Variants in RAB3GAP1 observed in about 807,000 individuals in gnomAD.
RAB3GAP1 encodes rab3 GTPase-activating protein catalytic subunit.
RAB3GAP1 carries 86 observed loss-of-function variants against 130.7 expected under a neutral mutation model. The observed-to-expected ratio is 0.66, with a 90% CI of 0.55 to 0.79. RAB3GAP1 has a LOEUF of 0.79. Ranked by LOEUF, RAB3GAP1 falls within the 30% of genes least tolerant of loss-of-function variation. The pLI, the probability that RAB3GAP1 is intolerant of heterozygous loss-of-function variation, is 0.00. For synonymous variants in RAB3GAP1, 367 were observed against 401.7 expected (o/e 0.91, Z 1.03); for missense variants, 1,029 against 1,169.4 (o/e 0.88, Z 1.75).
intron 7 of RAB3GAP1, among the ~76,000 whole-genome samples, chr2:135,116,032 T>C (rs1489031188): frequency 1.3e-5 from 2 of 152,120 alleles, no homozygotes; most frequent in East Asian, 3.9e-4. Context: ...AGATAACCAA[T>C]AGTGGAAGGG....
chr2:135,145,416 A>G (rs1469960480), intron 17 of RAB3GAP1, among the ~76,000 whole-genome samples: 2 of 151,794 alleles, frequency 1.3e-5, no homozygotes, highest in Admixed American at 1.3e-4. Flanking sequence ...ACACACACAC[A>G]CACACACTTC....
chr2:135,093,481 T>G, intron 4 of RAB3GAP1, 134 bp from the exon 5 acceptor site: 1 of 692,130 alleles, frequency 1.4e-6, no homozygotes, highest in South Asian at 1.6e-5. Flanking sequence ...ACTCAAGAGC[T>G]ATCTTTAGAT....
At chr2:135,053,923 G>A (rs1255145469) in intron 2 of RAB3GAP1, among the ~76,000 whole-genome samples, 2 of 152,164 alleles carry the variant, frequency 1.3e-5, no homozygotes, top group African/African-American at 4.8e-5. Context: ...CTTGAAAGTG[G>A]GAAGTGGTTG....
intron 17 of RAB3GAP1, among the ~76,000 whole-genome samples, chr2:135,142,095 G>A (rs1251040488): frequency 1.3e-5 from 2 of 152,072 alleles, no homozygotes; most frequent in African/African-American, 4.8e-5. Flanking sequence ...TCAAAATCTT[G>A]CTGGGATTTT....
chr2:135,095,682 T>C (rs1690273005), intron 5 of RAB3GAP1, among the ~76,000 whole-genome samples: 1 of 152,208 alleles, frequency 6.6e-6, no homozygotes, highest in African/African-American at 2.4e-5. Context: ...AAATATTAAA[T>C]GGAAAATTTC....
Position 135,153,709 on chromosome 2 carries a change from A to G in RAB3GAP1, c.2122A>G (p.Ile708Val), listed in dbSNP as rs1225825147. Reference sequence around the variant, plus strand: ...GAGGTGGTATTCACCCCGGGATTATATTGAAGAGGAGGTGATTGATGAAAA... The same window carrying G: ...GAGGTGGTATTCACCCCGGGATTATGTTGAAGAGGAGGTGATTGATGAAAA... ...FVRWYSPRDY[I>V]EEEVIDEKGN... The change falls in exon 19 of 24, where the codon ATT (isoleucine) becomes GTT (valine). Residue 708 changes from isoleucine (I) to valine (V), a missense_variant. Physicochemically the swap from Ile to Val is conservative, Grantham distance 29. Transcript: ENST00000264158. The G allele has an allele frequency of 6.2e-7, 1 of 1,613,890 alleles. No homozygotes were observed. Among genetic ancestry groups the G allele is most frequent in the East Asian group, 2.2e-5 (1 of 44,890 alleles).
chr2:135,076,788 C>T (rs1689645428), intron 3 of RAB3GAP1, among the ~76,000 whole-genome samples: 1 of 152,184 alleles, frequency 6.6e-6, no homozygotes, highest in Non-Finnish European at 1.5e-5. Context: ...CCAAAGTCTA[C>T]CCGTTAAACA....
chr2:135,071,904 A>ATGTT (rs796392612), intron 3 of RAB3GAP1, among the ~76,000 whole-genome samples: 20 of 151,860 alleles, frequency 1.3e-4, no homozygotes, highest in African/African-American at 4.4e-4. Flanking sequence ...ATTGTATTGA[A>ATGTT]TCTTTCTTTC....
chr2:135,119,094 C>CCCTT (rs1284684747), intron 7 of RAB3GAP1, among the ~76,000 whole-genome samples: 44 of 118,780 alleles, frequency 3.7e-4, no homozygotes, highest in Middle Eastern at 8.9e-3. Flanking sequence ...CTCCCTCCCT[C>CCCTT]CCTTCCTTCC....
At chr2:135,140,676 G>GT (rs1691812885) in intron 17 of RAB3GAP1, among the ~76,000 whole-genome samples, 1 of 152,264 alleles carries the variant, frequency 6.6e-6, no homozygotes, top group African/African-American at 2.4e-5. Flanking sequence ...AGGCACAGCA[G>GT]TGGGAGTTAT....
chr2:135,095,205 C>A (rs1182502350), intron 5 of RAB3GAP1, among the ~76,000 whole-genome samples: 1 of 152,186 alleles, frequency 6.6e-6, no homozygotes, highest in Non-Finnish European at 1.5e-5. Flanking sequence ...TCCACCACCA[C>A]ACCCAGCTGA....
chr2:135,116,476 A>G (rs1266097818), intron 7 of RAB3GAP1, among the ~76,000 whole-genome samples: 1 of 152,204 alleles, frequency 6.6e-6, no homozygotes, highest in Non-Finnish European at 1.5e-5. Context: ...TTCAGATTTA[A>G]GGAGAAAATG....
At chr2:135,088,688 CAAAAAAAAA>C (rs1162700077) in intron 3 of RAB3GAP1, among the ~76,000 whole-genome samples, 7 of 55,696 alleles carry the variant, frequency 1.3e-4, no homozygotes, top group Admixed American at 5.8e-4. Flanking sequence ...GACTCCATCT[CAAAAAAAAA>C]AAAAAAAAAA....
chr2:135,104,724 A>G (rs529683006), intron 5 of RAB3GAP1, among the ~76,000 whole-genome samples: 1 of 151,572 alleles, frequency 6.6e-6, no homozygotes, highest in African/African-American at 2.4e-5. Flanking sequence ...ATAAATAAAT[A>G]AATAAATAAA....
rs1011745802 is a variant in RAB3GAP1, at chr2:135,123,145, C to A, written c.749-1020C>A. 1.3e-4 allele frequency among the ~76,000 whole-genome samples: 20 copies of A among 152,150 alleles called. 1 individual carries two copies. Among genetic ancestry groups the A allele is most frequent in the African/African-American group, 3.9e-4 (16 of 41,432 alleles). ...TACAAACACTAGTCAAACTCCAAGT[C>A]CGATGTGCTTTTCATTCCACGAGTT... On this transcript the variant is annotated intron_variant, in intron 8 of 23. Transcript: ENST00000264158.
At chr2:135,101,432 A>ATTAGT (rs1305928440) in intron 5 of RAB3GAP1, among the ~76,000 whole-genome samples, 4 of 152,352 alleles carry the variant, frequency 2.6e-5, no homozygotes, top group South Asian at 4.1e-4. Flanking sequence ...TAAATATACA[A>ATTAGT]TTAGTATAGG....
Position 135,084,361 on chromosome 2 carries a change from C to T in RAB3GAP1, c.151-6637C>T, listed in dbSNP as rs552847508. ...GTACATAATTTGCAAACATCTTCTC[C>T]CGTTCTCTATATTGTAGCATGTATC... On this transcript the variant is annotated intron_variant, in intron 3 of 23. Coordinates refer to ENST00000264158, the MANE Select transcript of RAB3GAP1 (RefSeq NM_012233.3). Among the ~76,000 whole-genome samples the T allele has an allele frequency of 2.0e-5, 3 of 152,262 alleles. No homozygotes were observed. In the South Asian group the frequency reaches 6.2e-4, roughly 32 times the overall value.
chr2:135,108,658 CAG>C (rs1690701663), intron 5 of RAB3GAP1, among the ~76,000 whole-genome samples: 1 of 152,010 alleles, frequency 6.6e-6, no homozygotes, highest in Non-Finnish European at 1.5e-5. Context: ...ATTCTCTTGA[CAG>C]TGTCTTTTGC....
chr2:135,089,258 T>C lies in RAB3GAP1; in HGVS notation c.151-1740T>C, dbSNP rs1258089172. ...CTGTTCCCTTGGTCTATATATCTGT[T>C]TTGGTACAAGTACCATGCTGTTTTG... On this transcript the variant is annotated intron_variant, in intron 3 of 23. Transcript: ENST00000264158. 2.6e-5 allele frequency among the ~76,000 whole-genome samples: 4 copies of C among 152,058 alleles called. No individual in the cohort carries two copies. In the East Asian group the frequency reaches 7.7e-4, roughly 29 times the overall value.
Sources: gnomAD v4.1 joint callset for allele counts (sites outside exome capture counted in the v4.1 genomes callset) on GRCh38, gnomAD v4.1.1 for gene constraint, MANE v1.5 for transcripts, NCBI Gene and HGNC (gene_info 2026-07-23, HGNC 2026-07-21) for gene names.